XRRA1: variants seen among roughly 807,000 people sequenced by gnomAD.
XRRA1 encodes X-ray radiation resistance-associated protein 1.
Under a neutral mutation model 80.2 loss-of-function variants are expected in XRRA1, and 69 were observed. The observed-to-expected ratio is 0.86, with a 90% confidence interval of 0.71 to 1.05. XRRA1 has a LOEUF of 1.05. Ranked by LOEUF, XRRA1 falls within the 50% of genes least tolerant of loss-of-function variation. The probability of loss-of-function intolerance (pLI) is 0.00; values close to 1 mark genes in which losing one functional copy is unlikely to be tolerated. For missense variants in XRRA1, 967 were observed against 976.4 expected, an observed-to-expected ratio of 0.99 and a Z score of 0.13; for synonymous variants, 348 against 389.9, an observed-to-expected ratio of 0.89 and a Z score of 1.27.
At chr11:74,862,605 TG>T (rs2042541472) in intron 11 of XRRA1, among the ~76,000 whole-genome samples, 1 of 152,224 alleles carries the variant, frequency 6.6e-6, no homozygotes, top group African/African-American at 2.4e-5. Flanking sequence ...TTTCCAGCTT[TG>T]GGGGACTCTT....
At chr11:74,912,110 G>GATTC (rs2056063322) in intron 8 of XRRA1, among the ~76,000 whole-genome samples, 1 of 152,164 alleles carries the variant, frequency 6.6e-6, no homozygotes, top group African/African-American at 2.4e-5. Flanking sequence ...TCATCAGAGT[G>GATTC]ATTCAGAAAA....
Position 74,843,839 on chromosome 11 carries a change from G to A in XRRA1, c.2149+15C>T, listed in dbSNP as rs1171087199. ...AACTGGATCTGGGATCCTGGCAGCT[G>A]TGGCAGAGCCGTACCTAGTGGAGCC... On this transcript the variant is annotated intron_variant, in intron 18 of 18. Transcript: ENST00000684022. 6.3e-7 allele frequency: 1 copy of A among 1,595,028 alleles called. No homozygotes were observed.
chr11:74,868,479 A>G (rs1380833858), intron 10 of XRRA1, among the ~76,000 whole-genome samples: 3 of 152,242 alleles, frequency 2.0e-5, no homozygotes, highest in Non-Finnish European at 4.4e-5. Flanking sequence ...ACAAGTCTGC[A>G]TAATAATGAA....
At chr11:74,871,777 G>A (rs1329893166) in intron 10 of XRRA1, among the ~76,000 whole-genome samples, 2 of 152,166 alleles carry the variant, frequency 1.3e-5, no homozygotes, top group Admixed American at 6.5e-5. Flanking sequence ...CTCATTGCAT[G>A]ACCTTAGGCA....
chr11:74,942,888 G>C (rs930348999), intron 2 of XRRA1, among the ~76,000 whole-genome samples: 1 of 152,224 alleles, frequency 6.6e-6, no homozygotes, highest in Non-Finnish European at 1.5e-5. Context: ...GAAGGAGACA[G>C]CAAGGGAGGA....
chr11:74,878,255 T>G (rs1435530512), intron 10 of XRRA1, among the ~76,000 whole-genome samples: 2 of 151,768 alleles, frequency 1.3e-5, no homozygotes, highest in African/African-American at 4.8e-5. Flanking sequence ...GCTGCATAAA[T>G]GTCTTCTTTT....
chr11:74,931,613 C>T (rs1943575705), intron 5 of XRRA1, among the ~76,000 whole-genome samples: 2 of 152,212 alleles, frequency 1.3e-5, no homozygotes, highest in South Asian at 4.1e-4. Flanking sequence ...GCATGAGCCA[C>T]CACGCCTAGC....
chr11:74,933,068 G>A (rs912326016), intron 5 of XRRA1, among the ~76,000 whole-genome samples: 7 of 152,146 alleles, frequency 4.6e-5, no homozygotes, highest in African/African-American at 1.7e-4. Flanking sequence ...ATGATTCATT[G>A]CATGAGTCAC....
chr11:74,843,327 A>T lies in XRRA1; in HGVS notation c.2276T>A (p.Val759Glu), dbSNP rs763000483. ...RQLVSGSLRT[V>E]FGTTPLPMAC... is the part of the protein sequence containing the mutation. ...CATGGGGAGCGGGGTAGTCCCGAAC[A>T]CTGTGCGCAGAGAGCCACTCACCAG... The change falls in exon 19 of 19, where the codon GTG (valine) becomes GAG (glutamate). Residue 759 changes from valine (V) to glutamate (E), a missense_variant. Coordinates refer to ENST00000684022, the MANE Select transcript of XRRA1 (RefSeq NM_001378157.1). The T allele has an allele frequency of 6.2e-7, 1 of 1,608,368 alleles. No individual in the cohort carries two copies. Among genetic ancestry groups the T allele is most frequent in the South Asian group, 1.1e-5 (1 of 89,900 alleles).
chr11:74,899,921 T>C (rs111661819), intron 10 of XRRA1, among the ~76,000 whole-genome samples: 1,771 of 152,196 alleles, frequency 0.012, 17 homozygotes, highest in Middle Eastern at 0.02. Flanking sequence ...ATTACCCTGA[T>C]ACCAAAACCA....
At chr11:74,860,318 G>A (rs1341001727) in intron 11 of XRRA1, among the ~76,000 whole-genome samples, 2 of 152,212 alleles carry the variant, frequency 1.3e-5, no homozygotes, top group African/African-American at 4.8e-5. Flanking sequence ...CGCAAGAGTG[G>A]AACATGGTGG....
intron 10 of XRRA1, chr11:74,876,597 G>A (rs1337917893): frequency 2.0e-5 from 3 of 152,190 alleles, no homozygotes; most frequent in Non-Finnish European, 4.4e-5. Context: ...GCCCAAGTTA[G>A]GAAGGGCCCT....
chr11:74,843,442 G>A lies in XRRA1; in HGVS notation c.2161C>T (p.His721Tyr). The A allele has an allele frequency of 1.2e-6, 2 of 1,611,964 alleles. No individual in the cohort carries two copies. The highest frequency in any genetic ancestry group is 1.1e-5 in the South Asian group (1 of 90,424). ...ACCAGCCGCCGTTCTGTCCACTGGT[G>A]CAGGACAGCACCTGCAGGAAAAGAA... ...ITEAPLGAVL[H>Y]QWTERRLVNH... Residue 721 changes from histidine to tyrosine, a missense_variant, in exon 19 of 19, where the codon CAC becomes TAC. Coordinates refer to ENST00000684022, the MANE Select transcript of XRRA1 (RefSeq NM_001378157.1).
At chr11:74,891,942 A>G (rs1295388097) in intron 10 of XRRA1, among the ~76,000 whole-genome samples, 1 of 152,308 alleles carries the variant, frequency 6.6e-6, no homozygotes, top group East Asian at 1.9e-4. Context: ...ATGCTCATGG[A>G]TAGGAAGAAT....
At chr11:74,909,083 C>T (rs2055290544) in intron 8 of XRRA1, among the ~76,000 whole-genome samples, 1 of 152,116 alleles carries the variant, frequency 6.6e-6, no homozygotes, top group Admixed American at 6.5e-5. Flanking sequence ...TTCCCCCCTG[C>T]CTTTTTTTCT....
chr11:74,845,424 T>C (rs1268999321), intron 15 of XRRA1, among the ~76,000 whole-genome samples, 153 bp from the exon 16 acceptor site: 1 of 152,180 alleles, frequency 6.6e-6, no homozygotes, highest in Non-Finnish European at 1.5e-5. Context: ...GATATAAAAA[T>C]AGACAATTGA....
chr11:74,857,362 A>C (rs565850201), intron 12 of XRRA1, among the ~76,000 whole-genome samples: 5 of 148,418 alleles, frequency 3.4e-5, no homozygotes, highest in African/African-American at 1.3e-4. Flanking sequence ...ACATCAAGAC[A>C]AGGAATATGA....
At chr11:74,915,960 T>C (rs1425298926) in intron 8 of XRRA1, among the ~76,000 whole-genome samples, 2 of 152,186 alleles carry the variant, frequency 1.3e-5, no homozygotes, top group South Asian at 2.1e-4. Context: ...CAGGTTTTTT[T>C]TTCTTTTAGC....
In XRRA1 at chr11:74,848,288, C is replaced by T. The variant is rs914067118; in HGVS notation, c.1555G>A (p.Glu519Lys). 1 of 1,613,874 alleles carries T rather than the reference C, an allele frequency of 6.2e-7. No homozygotes were observed. Among genetic ancestry groups the T allele is most frequent in the Non-Finnish European group, 8.5e-7 (1 of 1,179,850 alleles). ...GTCCGGCAAGACGGGGAATGGCCTTCCAGGTTCTCAGTGGGCATCTCTGAC... is the reference window on the plus strand; with the variant it reads ...GTCCGGCAAGACGGGGAATGGCCTTTCAGGTTCTCAGTGGGCATCTCTGAC... ...VESEMPTENLEGHSPSCRTFV... is the reference protein window; with the variant it reads ...VESEMPTENLKGHSPSCRTFV... The change falls in exon 15 of 19, where the codon GAA (glutamate) becomes AAA (lysine). Residue 519 changes from glutamate to lysine, a missense_variant. Physicochemically the swap from Glu to Lys is moderately conservative, Grantham distance 56 (BLOSUM62 1). Coordinates refer to ENST00000684022, the MANE Select transcript of XRRA1 (RefSeq NM_001378157.1).
Sources: allele counts gnomAD v4.1 joint callset (sites outside exome capture counted in the v4.1 genomes callset), GRCh38; gene constraint gnomAD v4.1.1; transcripts MANE v1.5; gene names NCBI Gene and HGNC (gene_info 2026-07-23, HGNC 2026-07-21).